AKTIP: variants seen among roughly 807,000 people sequenced by gnomAD.
AKTIP encodes the protein AKT-interacting protein.
Under a neutral mutation model 39.1 loss-of-function variants are expected in AKTIP, and 16 were observed. The observed-to-expected ratio is 0.41, with a 90% confidence interval of 0.28 to 0.62. The LOEUF is 0.62. AKTIP is among the 20% of genes least tolerant of loss of function. The pLI, the probability that AKTIP is intolerant of heterozygous loss-of-function variation, is 0.32. For missense variants in AKTIP, 262 were observed against 356.6 expected (o/e 0.73, Z 2.14); for synonymous variants, 93 against 124.3 (o/e 0.75, Z 1.67).
intron 2 of AKTIP, among the ~76,000 whole-genome samples, chr16:53,499,449 GTTTT>G (rs56138099): frequency 7.7e-6 from 1 of 130,704 alleles, no homozygotes; most frequent in African/African-American, 3.0e-5. Context: ...TGAGATTATA[GTTTT>G]TTTTTTTTTT....
intron 3 of AKTIP, among the ~76,000 whole-genome samples, chr16:53,497,241 G>C (rs149844599): frequency 6.6e-6 from 1 of 152,180 alleles, no homozygotes; most frequent in Non-Finnish European, 1.5e-5. Context: ...GTGTGTGCCA[G>C]GCACCACAGG....
rs1961485169 is a variant in AKTIP, at chr16:53,491,783, G to GT, written c.*628dup. On this transcript the variant is annotated 3_prime_UTR_variant, in exon 10 of 10. Coordinates refer to ENST00000394657, the MANE Select transcript of AKTIP (RefSeq NM_022476.4). Reference sequence around the variant, plus strand: ...TAAATACCGGACTTCATTAGAAACCGTTGTAACACTTTTTCTCCCTCCTGC... The same window carrying GT: ...TAAATACCGGACTTCATTAGAAACCGTTTGTAACACTTTTTCTCCCTCCTGC... 6.6e-6 allele frequency: 1 copy of GT among 152,360 alleles called. No individual in the cohort carries two copies. The highest frequency in any genetic ancestry group is 1.5e-5 in the Non-Finnish European group (1 of 67,994). 9.4% of individuals were successfully genotyped at this position (152,360 alleles called of 1,614,324 possible).
intron 2 of AKTIP, among the ~76,000 whole-genome samples, chr16:53,499,918 C>G (rs966517882): frequency 6.6e-6 from 1 of 152,092 alleles, no homozygotes; most frequent in Non-Finnish European, 1.5e-5. Flanking sequence ...AACCGTAGAA[C>G]CTTGAAGTTT....
At chr16:53,501,504 C>G (rs1962167477) in intron 1 of AKTIP, 1 of 152,194 alleles carries the variant, frequency 6.6e-6, no homozygotes, top group South Asian at 2.1e-4. Context: ...CTGGTATTTC[C>G]CCCCAGGCTC....
At chr16:53,497,160 C>G (rs918649249) in intron 3 of AKTIP, among the ~76,000 whole-genome samples, 1 of 152,158 alleles carries the variant, frequency 6.6e-6, no homozygotes, top group Admixed American at 6.5e-5. Context: ...TAAGAATTCT[C>G]CAAACTTTCT....
rs1366097743 is a variant in AKTIP at position 53,491,426 on chromosome 16, T to TTCAAG, written c.*981_*985dup. The TTCAAG allele has an allele frequency of 4.6e-5, 7 of 152,496 alleles. No individual in the cohort carries two copies. The East Asian group carries it at 1.3e-3, about 29-fold the overall frequency. The allele number at this position is 152,496 out of a possible 1,614,324, so 9.4% of individuals were successfully genotyped here. On this transcript the variant is annotated 3_prime_UTR_variant, in exon 10 of 10. Coordinates refer to ENST00000394657, the MANE Select transcript of AKTIP (RefSeq NM_022476.4). Reference sequence around the variant, plus strand: ...ATTAATCACTATTGTTCCAGCAGTTTTCAAGTCAAATTAATAATCTTATTA... The same window carrying TTCAAG: ...ATTAATCACTATTGTTCCAGCAGTTTTCAAGTCAAGTCAAATTAATAATCTTATTA...
intron 5 of AKTIP, 22 bp from the exon 6 acceptor site, chr16:53,494,627 CAT>C: frequency 6.2e-7 from 1 of 1,608,948 alleles, no homozygotes; most frequent in Non-Finnish European, 8.5e-7. Flanking sequence ...TAAAGAGAGA[CAT>C]GTCCTTTAAT....
chr16:53,492,547 T>TA (rs765085214), intron 9 of AKTIP, 28 bp from the exon 10 acceptor site: 46 of 1,612,206 alleles, frequency 2.9e-5, no homozygotes, highest in Non-Finnish European at 3.7e-5. Flanking sequence ...AACAGATATT[T>TA]AAAAAATTAC....
At chr16:53,501,326 C>T (rs1962156363) in intron 1 of AKTIP, 1 of 152,204 alleles carries the variant, frequency 6.6e-6, no homozygotes, top group East Asian at 1.9e-4. Flanking sequence ...GCAACACAGG[C>T]ACGCAAGAGA....
chr16:53,502,040 G>A (rs901458958), intron 1 of AKTIP, among the ~76,000 whole-genome samples: 4 of 152,202 alleles, frequency 2.6e-5, no homozygotes, highest in Non-Finnish European at 5.9e-5. Flanking sequence ...GGACACAGTG[G>A]TGTGCTCCAC....
chr16:53,498,900 A>C (rs1290781541), intron 2 of AKTIP, among the ~76,000 whole-genome samples: 4 of 152,248 alleles, frequency 2.6e-5, no homozygotes, highest in Admixed American at 2.6e-4. Context: ...TAGTGGCCCC[A>C]AAAAGAGGGC....
chr16:53,493,980 G>C, intron 8 of AKTIP, 158 bp downstream of exon 8: 1 of 600,218 alleles, frequency 1.7e-6, no homozygotes, highest in Non-Finnish European at 3.0e-6. Context: ...AGAGCCTCAA[G>C]AGGCATCAGA....
At chr16:53,492,581 ACAAACTTGTTTCC>A (rs904923703) in intron 9 of AKTIP, 62 bp from the exon 10 acceptor site, 2 of 1,603,890 alleles carry the variant, frequency 1.2e-6, no homozygotes, top group African/African-American at 2.7e-5. Context: ...TCAGCACTGT[ACAAACTTGTTTCC>A]CAAAAAAAGT....
At chr16:53,496,186 CATT>C (rs2150857583) in intron 3 of AKTIP, among the ~76,000 whole-genome samples, 1 of 152,306 alleles carries the variant, frequency 6.6e-6, no homozygotes, top group Non-Finnish European at 1.5e-5. Flanking sequence ...TACTTTTCAT[CATT>C]TTTGAGTTAT....
chr16:53,494,203 G>C lies in AKTIP; in HGVS notation c.645C>G (p.Asp215Glu). 4 of 1,614,144 alleles carry C rather than the reference G, an allele frequency of 2.5e-6. No homozygotes were observed. The highest frequency in any genetic ancestry group is 3.4e-6 in the Non-Finnish European group (4 of 1,180,028). ...DIQLFKSKVV[D>E]SVKVCTARLF... Reference sequence around the variant, plus strand: ...AACGAGCAGTGCACACCTTAACACTGTCAACAACTTTACTTTTAAAAAGCT... The same window carrying C: ...AACGAGCAGTGCACACCTTAACACTCTCAACAACTTTACTTTTAAAAAGCT... Residue 215 changes from aspartate to glutamate, a missense_variant, in exon 8 of 10, where the codon GAC becomes GAG. This residue lies in a region of AKTIP where 145 missense variants were observed against 159.3 expected (regional missense o/e 0.91). Coordinates refer to ENST00000394657, the MANE Select transcript of AKTIP (RefSeq NM_022476.4).
intron 8 of AKTIP, 58 bp downstream of exon 8, chr16:53,494,080 A>C (rs1961672628): frequency 1.5e-6 from 2 of 1,299,174 alleles, no homozygotes; most frequent in Non-Finnish European, 2.2e-6. Flanking sequence ...ACCTGGAGAA[A>C]GGAAGCAGTG....
At chr16:53,499,915 G>A (rs1962068733) in intron 2 of AKTIP, among the ~76,000 whole-genome samples, 2 of 152,064 alleles carry the variant, frequency 1.3e-5, no homozygotes, top group South Asian at 4.2e-4. Context: ...TCTAACCGTA[G>A]AACCTTGAAG....
intron 2 of AKTIP, 112 bp from the exon 3 acceptor site, chr16:53,498,708 T>C (rs2150865436): frequency 9.3e-7 from 1 of 1,077,918 alleles, no homozygotes; most frequent in East Asian, 2.4e-5. Flanking sequence ...AAGCACATTC[T>C]AACACCATGA....
intron 3 of AKTIP, 68 bp from the exon 4 acceptor site, chr16:53,495,394 A>G: frequency 6.8e-7 from 1 of 1,481,142 alleles, no homozygotes; most frequent in Non-Finnish European, 9.4e-7. Flanking sequence ...ACCACCCCAC[A>G]TTCACTTTGA....
Sources: gnomAD v4.1 joint callset for allele counts (sites outside exome capture counted in the v4.1 genomes callset) on GRCh38, gnomAD v4.1.1 for gene constraint, gnomAD v4.1.1 regional missense constraint, MANE v1.5 for transcripts, NCBI Gene and HGNC (gene_info 2026-07-23, HGNC 2026-07-21) for gene names.